Variants in JADE3 observed in about 807,000 individuals in gnomAD.
JADE3 encodes the protein protein Jade-3.
In JADE3, 2 loss-of-function variants were observed where a neutral mutation model predicts 50.1. The ratio of observed to expected loss-of-function variants is 0.04; its 90% confidence interval spans 0.02 to 0.13. JADE3 has a LOEUF of 0.13. Among genes scored for constraint, JADE3 ranks in the 10% least tolerant of loss-of-function variants. JADE3 has a pLI of 1.00. For missense variants in JADE3, 475 were observed against 634.4 expected, an observed-to-expected ratio of 0.75 and a Z score of 2.70; for synonymous variants, 218 against 232.9, an observed-to-expected ratio of 0.94 and a Z score of 0.58.
rs1256875000 is a variant in JADE3, at chrX:47,005,957, A to G, written c.284+7680A>G. On this transcript the variant is annotated intron_variant, in intron 4 of 10. Coordinates refer to ENST00000614628, the MANE Select transcript of JADE3 (RefSeq NM_014735.5). ...AGATAGTGTCATAGGAAGCCAGCCA[A>G]AATCGAAGGTTTGCATAAGATCCAG... Among the ~76,000 whole-genome samples the G allele has an allele frequency of 2.7e-5, 3 of 111,540 alleles. No individual in the cohort carries two copies. The East Asian group carries it at 8.4e-4, about 31-fold the overall frequency.
intron 4 of JADE3, among the ~76,000 whole-genome samples, chrX:47,017,522 CTGTG>C (rs1208503506): frequency 9.0e-6 from 1 of 111,184 alleles, no homozygotes; most frequent in Non-Finnish European, 1.9e-5. Flanking sequence ...TGAAGTTTTA[CTGTG>C]TGTGTGTGCA....
At chrX:46,923,467 G>A (rs191524927) in intron 1 of JADE3, among the ~76,000 whole-genome samples, 2 of 87,156 alleles carry the variant, frequency 2.3e-5, no homozygotes, top group African/African-American at 4.1e-5. Flanking sequence ...ACAGTGACAC[G>A]ATCATGGCTC....
chrX:46,914,155 T>C (rs1926031205), intron 1 of JADE3, among the ~76,000 whole-genome samples: 1 of 112,289 alleles, frequency 8.9e-6, no homozygotes, highest in African/African-American at 3.2e-5. Flanking sequence ...CAATCCACTT[T>C]CCCAGACCAG....
At chrX:46,931,748 C>T (rs782332273) in intron 1 of JADE3, among the ~76,000 whole-genome samples, 1 of 111,644 alleles carries the variant, frequency 9.0e-6, no homozygotes, top group Non-Finnish European at 1.9e-5. Context: ...TAAATTAAAG[C>T]GTAATCAAAG....
intron 6 of JADE3, among the ~76,000 whole-genome samples, chrX:47,032,121 C>T (rs1343177416): frequency 9.0e-6 from 1 of 111,118 alleles, no homozygotes; most frequent in Non-Finnish European, 1.9e-5. Flanking sequence ...TAAGAATGAC[C>T]AGTTATGGAG....
At chrX:46,939,213 A>AT (rs1214527771) in intron 1 of JADE3, among the ~76,000 whole-genome samples, 3 of 110,003 alleles carry the variant, frequency 2.7e-5, no homozygotes. Flanking sequence ...TGCTTTCAAG[A>AT]TTTTTTTCTT....
At chrX:46,986,925 A>G (rs1462119170) in intron 3 of JADE3, among the ~76,000 whole-genome samples, 3 of 112,681 alleles carry the variant, frequency 2.7e-5, no homozygotes, top group African/African-American at 9.7e-5. Context: ...ATGTATTGCT[A>G]CATTACAAAT....
intron 1 of JADE3, among the ~76,000 whole-genome samples, chrX:46,922,892 AATATGCTGAAAGCTGAAC>A (rs782146178): frequency 8.9e-6 from 1 of 111,791 alleles, no homozygotes; most frequent in African/African-American, 3.2e-5. Flanking sequence ...ACGCCTCCTA[AATATGCTGAAAGCTGAAC>A]ATGGGCAGGA....
chrX:46,940,132 G>A (rs1926723082), intron 1 of JADE3, among the ~76,000 whole-genome samples: 1 of 112,509 alleles, frequency 8.9e-6, no homozygotes, highest in Non-Finnish European at 1.9e-5. Flanking sequence ...AATTAGGTTA[G>A]AGTGTCAGTA....
At chrX:46,924,499 G>A (rs1224356287) in intron 1 of JADE3, among the ~76,000 whole-genome samples, 2 of 112,330 alleles carry the variant, frequency 1.8e-5, no homozygotes, top group Non-Finnish European at 3.8e-5. Flanking sequence ...TTCTTTTAGT[G>A]AGAGTGGAGA....
At chrX:47,006,625 T>C (rs1275870981) in intron 4 of JADE3, among the ~76,000 whole-genome samples, 3 of 109,467 alleles carry the variant, frequency 2.7e-5, no homozygotes, top group Non-Finnish European at 5.7e-5. Flanking sequence ...TTTAATCTCA[T>C]TGATTCCTGG....
chrX:46,976,321 C>G (rs150410031), intron 1 of JADE3, among the ~76,000 whole-genome samples: 162 of 111,807 alleles, frequency 1.4e-3, no homozygotes, highest in African/African-American at 5.0e-3. Flanking sequence ...AGGTTCCAGT[C>G]CCAAATAATC....
intron 1 of JADE3, among the ~76,000 whole-genome samples, chrX:46,950,587 C>T (rs1408966371): frequency 2.7e-5 from 3 of 112,170 alleles, no homozygotes; most frequent in African/African-American, 6.5e-5. Flanking sequence ...ATGAACAGTG[C>T]TGCAGTGAGC....
At chrX:46,993,292 C>T (rs1481133501) in intron 3 of JADE3, among the ~76,000 whole-genome samples, 1 of 111,860 alleles carries the variant, frequency 8.9e-6, no homozygotes, top group Non-Finnish European at 1.9e-5. Context: ...GAGAGCACTA[C>T]ATACTCTCTA....
chrX:46,946,206 AG>A (rs367597287), intron 1 of JADE3, among the ~76,000 whole-genome samples: 1,207 of 112,203 alleles, frequency 0.011, 17 homozygotes, highest in African/African-American at 0.037. Context: ...TAAGAAAATA[AG>A]GAAGTATTTC....
At chrX:46,978,976 A>G (rs782429193) in intron 1 of JADE3, among the ~76,000 whole-genome samples, 2 of 112,597 alleles carry the variant, frequency 1.8e-5, no homozygotes, top group South Asian at 7.4e-4. Context: ...TTTTCCTACA[A>G]TAATTAAAAC....
At position 47,058,565 on chromosome X, in the gene JADE3, A is replaced by G. The variant is rs782443301; in HGVS notation, c.1960A>G (p.Asn654Asp). The G allele has an allele frequency of 1.6e-4, 194 of 1,208,836 alleles. No homozygotes were observed. Among genetic ancestry groups the G allele is most frequent in the Non-Finnish European group, 2.1e-4 (191 of 894,875 alleles). Reference protein sequence around the residue: ...AALHGQSSIGNGKSQPNSKFA... With the variant: ...AALHGQSSIGDGKSQPNSKFA... ...CCTCCATGGACAGTCTTCCATTGGGAATGGGAAAAGTCAGCCTAACTCCAA... is the reference window on the plus strand; with the variant it reads ...CCTCCATGGACAGTCTTCCATTGGGGATGGGAAAAGTCAGCCTAACTCCAA... The change falls in exon 11 of 11, where the codon AAT (asparagine) becomes GAT (aspartate). Residue 654 changes from asparagine to aspartate, a missense_variant. Coordinates refer to ENST00000614628, the MANE Select transcript of JADE3 (RefSeq NM_014735.5).
intron 1 of JADE3, among the ~76,000 whole-genome samples, chrX:46,978,939 TC>T (rs1927682982): frequency 8.9e-6 from 1 of 112,684 alleles, no homozygotes; most frequent in Non-Finnish European, 1.9e-5. Flanking sequence ...ATTGAATTAT[TC>T]TGCTGATATT....
chrX:47,058,795 C>G lies in JADE3; in HGVS notation c.2190C>G (p.Leu730=), dbSNP rs1556374169. The change falls in exon 11 of 11, where the codon CTC becomes CTG. Residue 730 remains leucine (L), a synonymous_variant. Transcript: ENST00000614628. ...GGTGGGTGAAGAACACAGAGGACCT[C>G]CAGTGCTATGTGAAGCCAACCAAGA... ...TNRWVKNTED[L]QCYVKPTKNM... is the part of the protein sequence containing the mutation. 4 of 1,209,046 alleles carry G rather than the reference C, an allele frequency of 3.3e-6. No individual in the cohort carries two copies. In the Admixed American group the frequency reaches 6.5e-5, roughly 20 times the overall value.
Sources: allele counts gnomAD v4.1 joint callset (sites outside exome capture counted in the v4.1 genomes callset), GRCh38; gene constraint gnomAD v4.1.1; transcripts MANE v1.5; gene names NCBI Gene and HGNC (gene_info 2026-07-23, HGNC 2026-07-21).